Variants in COL6A6 observed in about 807,000 individuals in gnomAD.
The protein encoded by COL6A6 is collagen alpha-6(VI) chain.
COL6A6 carries 183 observed loss-of-function variants against 208.6 expected under a neutral mutation model. The ratio of observed to expected loss-of-function variants is 0.88; its 90% CI spans 0.78 to 0.99. The LOEUF (loss-of-function observed/expected upper bound fraction) is 0.99, where lower values mean the gene tolerates loss of function less well. Among genes scored for constraint, COL6A6 ranks in the 50% least tolerant of loss-of-function variants. The probability of loss-of-function intolerance (pLI) is 0.00; values close to 1 mark genes in which losing one functional copy is unlikely to be tolerated. For synonymous variants in COL6A6, 973 were observed against 1,011.8 expected, an observed-to-expected ratio of 0.96 and a Z score of 0.73; for missense variants, 2,816 against 2,815.2, an observed-to-expected ratio of 1.00 and a Z score of -0.01.
At chr3:130,542,402 C>A (rs1354791662) in intron 1 of COL6A6, among the ~76,000 whole-genome samples, 1 of 151,742 alleles carries the variant, frequency 6.6e-6, no homozygotes, top group Non-Finnish European at 1.5e-5. Context: ...TTGTATGATT[C>A]CTGTTTTTTT....
At position 130,581,564 on chromosome 3, in the gene COL6A6, G is replaced by T; in HGVS notation, c.3551G>T (p.Cys1184Phe). 7.5e-6 allele frequency: 12 copies of T among 1,603,000 alleles called. No homozygotes were observed. The highest frequency in any genetic ancestry group is 9.4e-6 in the Non-Finnish European group (11 of 1,172,664). The change falls in exon 9 of 37, where the codon TGT (cysteine) becomes TTT (phenylalanine). Residue 1184 changes from cysteine (C) to phenylalanine (F), a missense_variant. Physicochemically the swap from Cys to Phe is radical, Grantham distance 205 (BLOSUM62 -2). Transcript: ENST00000358511. The part of the protein sequence containing the change: ...NICTTAGESN[C>F]FVDVVVGFDV... Reference sequence around the variant, plus strand: ...ATGCTTTTCCTTTGAATCCTAGACTGTTTCGTGGATGTTGTGGTGGGATTT... The same window carrying T: ...ATGCTTTTCCTTTGAATCCTAGACTTTTTCGTGGATGTTGTGGTGGGATTT...
intron 1 of COL6A6, among the ~76,000 whole-genome samples, chr3:130,525,308 G>C (rs2061937353): frequency 6.6e-6 from 1 of 152,138 alleles, no homozygotes; most frequent in South Asian, 2.1e-4. Context: ...ATTTTTCATG[G>C]TAAGAGGAAA....
At chr3:130,660,787 C>T (rs2065912418) in intron 34 of COL6A6, among the ~76,000 whole-genome samples, 1 of 152,214 alleles carries the variant, frequency 6.6e-6, no homozygotes, top group African/African-American at 2.4e-5. Flanking sequence ...CTGGCCTCAT[C>T]TCTAACAATA....
intron 33 of COL6A6, among the ~76,000 whole-genome samples, chr3:130,655,066 G>T (rs1191315704): frequency 1.3e-5 from 2 of 152,144 alleles, no homozygotes; most frequent in Non-Finnish European, 2.9e-5. Context: ...CTACAGTAGT[G>T]ATGTTATCTG....
rs774774662 is a variant in COL6A6 at position 130,574,029 on chromosome 3, G to A, written c.3051G>A (p.Lys1017=). Residue 1017 remains lysine (K), a synonymous_variant, in exon 8 of 37, where the codon AAG becomes AAA. Transcript: ENST00000358511. Reference sequence around the variant, plus strand: ...CTAGCATTCAGCCAAATGACTTCAAGAAAATGAAGGAATTTCTGGCATCTG... The same window carrying A: ...CTAGCATTCAGCCAAATGACTTCAAAAAAATGAAGGAATTTCTGGCATCTG... ...GSTSIQPNDF[K]KMKEFLASVV... 1.5e-5 allele frequency: 24 copies of A among 1,613,844 alleles called. No individual in the cohort carries two copies. The South Asian group carries it at 2.6e-4, about 18-fold the overall frequency.
At chr3:130,569,987 G>T (rs866213334) in intron 6 of COL6A6, among the ~76,000 whole-genome samples, 2 of 152,172 alleles carry the variant, frequency 1.3e-5, no homozygotes, top group African/African-American at 2.4e-5. Flanking sequence ...TTAATGTTTG[G>T]ATCATACCTT....
At chr3:130,526,117 C>A (rs1483387358) in intron 1 of COL6A6, among the ~76,000 whole-genome samples, 6 of 151,858 alleles carry the variant, frequency 4.0e-5, no homozygotes, top group African/African-American at 1.5e-4. Context: ...TCCATGCTAC[C>A]TTAATTAAGA....
rs375249726 is a variant in COL6A6 at position 130,565,321 on chromosome 3, A to G, written c.989A>G (p.Gln330Arg). 3.2e-5 allele frequency: 51 copies of G among 1,613,596 alleles called. No individual in the cohort carries two copies. Among genetic ancestry groups the G allele is most frequent in the Non-Finnish European group, 4.1e-5 (48 of 1,179,694 alleles). ...FSARNGSRKN[Q>R]GVPQIAVLVT... ...GCACGGAATGGCAGTCGGAAGAATC[A>G]GGGGGTGCCCCAGATTGCCGTGCTG... Residue 330 changes from glutamine (Q) to arginine (R), a missense_variant, in exon 4 of 37, where the codon CAG becomes CGG. Transcript: ENST00000358511.
At chr3:130,611,465 T>C (rs1429794340) in intron 23 of COL6A6, among the ~76,000 whole-genome samples, 1 of 152,168 alleles carries the variant, frequency 6.6e-6, no homozygotes, top group Non-Finnish European at 1.5e-5. Flanking sequence ...TGTTTGCCTG[T>C]CTCTCCTCCT....
intron 28 of COL6A6, among the ~76,000 whole-genome samples, chr3:130,640,696 A>G (rs1054215936): frequency 6.6e-6 from 1 of 152,218 alleles, no homozygotes; most frequent in Non-Finnish European, 1.5e-5. Flanking sequence ...TAGCTTTATG[A>G]TAAACTTATT....
Position 130,574,127 on chromosome 3 carries a change from C to A in COL6A6, c.3149C>A (p.Pro1050Gln), listed in dbSNP as rs368734825. 33 of 1,613,844 alleles carry A rather than the reference C, an allele frequency of 2.0e-5. No individual in the cohort carries two copies. Among genetic ancestry groups the A allele is most frequent in the Non-Finnish European group, 2.5e-5 (29 of 1,179,900 alleles). Residue 1050 changes from proline to glutamine, a missense_variant, in exon 8 of 37, where the codon CCG (proline) becomes CAG (glutamine). Pro to Gln is a moderately conservative substitution (Grantham distance 76). Transcript: ENST00000358511. ...GCCCAGTTTAGCGATACCTATCACC[C>A]GGAGTTTCCACTGGGAACTTTCATA... The part of the protein sequence containing the change: ...GAAQFSDTYH[P>Q]EFPLGTFIGE...
chr3:130,562,017 A>T (rs527476933), intron 2 of COL6A6, among the ~76,000 whole-genome samples: 14 of 152,364 alleles, frequency 9.2e-5, no homozygotes, highest in African/African-American at 3.4e-4. Flanking sequence ...GACAGAGCTC[A>T]TAGAGTTAGC....
intron 33 of COL6A6, among the ~76,000 whole-genome samples, chr3:130,652,179 A>G (rs147136329): frequency 2.4e-4 from 36 of 152,400 alleles, no homozygotes; most frequent in African/African-American, 7.9e-4. Context: ...TCAGATATTT[A>G]ACAAATGCTG....
chr3:130,613,604 A>C (rs1331609120), intron 23 of COL6A6, among the ~76,000 whole-genome samples: 2 of 152,262 alleles, frequency 1.3e-5, no homozygotes, highest in Non-Finnish European at 2.9e-5. Flanking sequence ...TGCTTTGGGC[A>C]GCATGGCCAT....
intron 20 of COL6A6, among the ~76,000 whole-genome samples, chr3:130,604,985 A>G (rs2064140492): frequency 6.6e-6 from 1 of 152,190 alleles, no homozygotes; most frequent in South Asian, 2.1e-4. Context: ...GCTTCTGCTA[A>G]ATGTTGTGGG....
At chr3:130,662,425 T>A in intron 35 of COL6A6, 117 bp downstream of exon 35, 1 of 957,944 alleles carries the variant, frequency 1.0e-6, no homozygotes, top group East Asian at 2.4e-5. Context: ...CAAGGGCACT[T>A]CAGGGTCAGA....
chr3:130,597,456 G>A (rs1288351662), intron 18 of COL6A6, among the ~76,000 whole-genome samples: 1 of 152,186 alleles, frequency 6.6e-6, no homozygotes, highest in African/African-American at 2.4e-5. Flanking sequence ...ACAATGATAT[G>A]TCCCTGCTGG....
chr3:130,542,930 G>T (rs2062405901), intron 1 of COL6A6, among the ~76,000 whole-genome samples: 1 of 114,816 alleles, frequency 8.7e-6, no homozygotes, highest in African/African-American at 3.5e-5. Context: ...TTTTTAGATA[G>T]GAGTCTTGCT....
chr3:130,565,026 T>G lies in COL6A6; in HGVS notation c.694T>G (p.Phe232Val), dbSNP rs374680410. Residue 232 changes from phenylalanine (F) to valine (V), a missense_variant, in exon 4 of 37, where the codon TTC (phenylalanine) becomes GTC (valine). Phe to Val is a conservative substitution (Grantham distance 50, BLOSUM62 -1). Transcript: ENST00000358511. ...CQGPSMADVV[F>V]LLDMSINGSE... ...AGGCCCTTCTATGGCCGATGTTGTG[T>G]TCCTATTGGATATGTCAATCAATGG... is the stretch of plus-strand genomic sequence containing the variant. The G allele has an allele frequency of 2.2e-5, 36 of 1,613,884 alleles. No homozygotes were observed. The Middle Eastern group carries it at 4.9e-4, about 22-fold the overall frequency.
Sources: allele counts gnomAD v4.1 joint callset (sites outside exome capture counted in the v4.1 genomes callset), GRCh38; gene constraint gnomAD v4.1.1; transcripts MANE v1.5; gene names NCBI Gene and HGNC (gene_info 2026-07-23, HGNC 2026-07-21).